Variants in SYT17 observed in about 807,000 individuals in gnomAD.
The protein encoded by SYT17 is synaptotagmin-17.
Under a neutral mutation model 46.7 loss-of-function variants are expected in SYT17, and 22 were observed. The observed-to-expected ratio is 0.47, with a 90% CI of 0.34 to 0.67. SYT17 has a LOEUF of 0.67. SYT17 is among the 30% of genes least tolerant of loss of function. The pLI, the probability that SYT17 is intolerant of heterozygous loss-of-function variation, is 0.01. For synonymous variants in SYT17, 251 were observed against 248.4 expected (o/e 1.01, Z -0.10); for missense variants, 519 against 612.8 (o/e 0.85, Z 1.62).
At chr16:19,223,250 CT>C in intron 6 of SYT17, 85 bp downstream of exon 6, 1 of 1,529,218 alleles carries the variant, frequency 6.5e-7, no homozygotes, top group South Asian at 1.2e-5. Flanking sequence ...TTTCCGTATC[CT>C]GGATGAGCAT....
chr16:19,224,115 A>C (rs940194090), intron 6 of SYT17, among the ~76,000 whole-genome samples: 3 of 152,242 alleles, frequency 2.0e-5, no homozygotes, highest in Non-Finnish European at 4.4e-5. Flanking sequence ...AATGAATTAT[A>C]ATTCTGCCAT....
Position 19,176,299 on chromosome 16 carries a change from G to A in SYT17, c.182+2721G>A, listed in dbSNP as rs139998578. On this transcript the variant is annotated intron_variant, in intron 3 of 7. Transcript: ENST00000355377. The stretch of plus-strand genomic sequence containing the variant: ...GGAAAGACTCTTATTAGCCTGGCTC[G>A]GGTTATGTACCAATCACTTTCACTT... Among the ~76,000 whole-genome samples, 681 of 152,234 alleles carry A rather than the reference G, an allele frequency of 4.5e-3. 7 individuals are homozygous for A. The highest frequency in any genetic ancestry group is 0.012 in the African/African-American group (502 of 41,530).
chr16:19,214,794 CTT>C (rs1012960968), intron 5 of SYT17, among the ~76,000 whole-genome samples: 7 of 141,758 alleles, frequency 4.9e-5, no homozygotes, highest in Admixed American at 1.4e-4. Context: ...TAATAATTCT[CTT>C]TTTTTTTTTT....
intron 7 of SYT17, among the ~76,000 whole-genome samples, chr16:19,256,437 A>AACACAC (rs57120408): frequency 0.071 from 9,109 of 128,898 alleles, 486 homozygotes; most frequent in African/African-American, 0.098. Flanking sequence ...CCCCTCTTCA[A>AACACAC]ACACACACAC....
chr16:19,224,066 T>C (rs1435446737), intron 6 of SYT17, among the ~76,000 whole-genome samples: 1 of 152,210 alleles, frequency 6.6e-6, no homozygotes, highest in African/African-American at 2.4e-5. Context: ...AATTAGATAA[T>C]GTACATGAAT....
At chr16:19,179,636 T>C (rs1346116826) in intron 3 of SYT17, among the ~76,000 whole-genome samples, 1 of 152,214 alleles carries the variant, frequency 6.6e-6, no homozygotes, top group Non-Finnish European at 1.5e-5. Context: ...ACTGTCAATA[T>C]TTCCACTTTA....
intron 7 of SYT17, among the ~76,000 whole-genome samples, chr16:19,261,365 C>G (rs1236243717): frequency 6.6e-6 from 1 of 152,206 alleles, no homozygotes; most frequent in Non-Finnish European, 1.5e-5. Context: ...ACTCAGATGG[C>G]CATGGCAGGA....
chr16:19,196,081 A>G (rs932770734), intron 5 of SYT17, among the ~76,000 whole-genome samples: 1 of 152,138 alleles, frequency 6.6e-6, no homozygotes, highest in South Asian at 2.1e-4. Context: ...CAGGTGCCAG[A>G]AGGTCACAGG....
chr16:19,245,399 C>G (rs1175840518), intron 7 of SYT17, among the ~76,000 whole-genome samples: 1 of 152,158 alleles, frequency 6.6e-6, no homozygotes, highest in Non-Finnish European at 1.5e-5. Flanking sequence ...TGAAGAAACC[C>G]TGAGCTAGAA....
At chr16:19,205,872 A>G (rs1965651523) in intron 5 of SYT17, among the ~76,000 whole-genome samples, 1 of 152,202 alleles carries the variant, frequency 6.6e-6, no homozygotes, top group Admixed American at 6.5e-5. Context: ...GCTATCAGAC[A>G]TTACATATTA....
chr16:19,207,640 C>T (rs554554532), intron 5 of SYT17, among the ~76,000 whole-genome samples: 20 of 152,202 alleles, frequency 1.3e-4, no homozygotes, highest in South Asian at 6.2e-4. Flanking sequence ...CACCTCCCAC[C>T]AGGCCTCACC....
intron 5 of SYT17, among the ~76,000 whole-genome samples, chr16:19,190,768 CTGTGTGTGTGTGTGTGTGTGTG>C (rs56947560): frequency 6.9e-6 from 1 of 144,722 alleles, no homozygotes; most frequent in African/African-American, 2.6e-5. Flanking sequence ...AATAATATTC[CTGTGTGTGTGTGTGTGTGTGTG>C]TGTGTGTGTG....
At chr16:19,179,820 C>T (rs758831969) in intron 3 of SYT17, among the ~76,000 whole-genome samples, 2 of 152,314 alleles carry the variant, frequency 1.3e-5, no homozygotes, top group East Asian at 1.9e-4. Flanking sequence ...CATTGAGTCA[C>T]GGCTGCTGCT....
intron 5 of SYT17, among the ~76,000 whole-genome samples, chr16:19,207,484 G>A (rs113790800): frequency 6.6e-6 from 1 of 152,048 alleles, no homozygotes; most frequent in African/African-American, 2.4e-5. Flanking sequence ...GGAAGGCAAG[G>A]GGGGGAAAGA....
chr16:19,191,327 G>C (rs1213531851), intron 5 of SYT17, among the ~76,000 whole-genome samples: 1 of 152,180 alleles, frequency 6.6e-6, no homozygotes, highest in Non-Finnish European at 1.5e-5. Context: ...TGGGGCGGTG[G>C]TTAGGCCATG....
intron 7 of SYT17, among the ~76,000 whole-genome samples, chr16:19,237,116 G>GTAGTAAC (rs1266860551): frequency 6.6e-6 from 1 of 152,308 alleles, no homozygotes; most frequent in East Asian, 1.9e-4. Context: ...CACTGTTTAG[G>GTAGTAAC]TAGTAACTAG....
Position 19,168,762 on chromosome 16 carries a change from C to T in SYT17, c.15+101C>T, listed in dbSNP as rs1596874817. Reference sequence around the variant, plus strand: ...AAGGGAGGGCCCACGGCTAGGCTCCCACAAACTTGCTTCGAGAAAAAGGGT... The same window carrying T: ...AAGGGAGGGCCCACGGCTAGGCTCCTACAAACTTGCTTCGAGAAAAAGGGT... On this transcript the variant is annotated intron_variant, in intron 1 of 7. Coordinates refer to ENST00000355377, the MANE Select transcript of SYT17 (RefSeq NM_016524.4). The surrounding 1 kb of genome is among the most constrained non-coding windows in gnomAD (Gnocchi z 6.9). 2.2e-6 allele frequency: 3 copies of T among 1,354,116 alleles called. No individual in the cohort carries two copies. The highest frequency in any genetic ancestry group is 3.0e-5 in the East Asian group (1 of 33,200). The allele number at this position is 1,354,116 out of a possible 1,614,324, so 83.9% of individuals were successfully genotyped here.
chr16:19,255,166 T>C (rs1156523536), intron 7 of SYT17, among the ~76,000 whole-genome samples: 1 of 152,210 alleles, frequency 6.6e-6, no homozygotes. Context: ...GTCTCCCAGC[T>C]CCTTTACCCT....
At chr16:19,229,965 C>A (rs1966622041) in intron 7 of SYT17, among the ~76,000 whole-genome samples, 1 of 152,054 alleles carries the variant, frequency 6.6e-6, no homozygotes, top group South Asian at 2.1e-4. Context: ...TATGAGAGGA[C>A]AAATGCCGTA....
Sources: allele counts gnomAD v4.1 joint callset (sites outside exome capture counted in the v4.1 genomes callset), GRCh38; gene constraint gnomAD v4.1.1; non-coding constraint Gnocchi (gnomAD v3.1); transcripts MANE v1.5; gene names NCBI Gene and HGNC (gene_info 2026-07-23, HGNC 2026-07-21).